Variants in CPLX1 observed in about 807,000 individuals in gnomAD.
CPLX1 encodes the protein complexin 1.
Under a neutral mutation model 15.6 loss-of-function variants are expected in CPLX1, and 6 were observed. The ratio of observed to expected loss-of-function variants is 0.39; its 90% CI spans 0.21 to 0.76. The LOEUF (loss-of-function observed/expected upper bound fraction) is 0.76. CPLX1 is among the 30% of genes least tolerant of loss of function. The pLI, the probability that CPLX1 is intolerant of heterozygous loss-of-function variation, is 0.43. For missense variants in CPLX1, 242 were observed against 188.6 expected (o/e 1.28, Z -1.66); for synonymous variants, 91 against 75.2 (o/e 1.21, Z -1.08).
chr4:820,927 C>T (rs149339547), intron 2 of CPLX1, among the ~76,000 whole-genome samples: 6 of 152,188 alleles, frequency 3.9e-5, no homozygotes, highest in African/African-American at 7.2e-5. Context: ...CTCTCCCACA[C>T]GGTGGAACCC....
chr4:810,694 C>A (rs963944739), intron 2 of CPLX1, among the ~76,000 whole-genome samples: 2 of 151,232 alleles, frequency 1.3e-5, no homozygotes, highest in Admixed American at 6.6e-5. Context: ...TTTCTTTTTT[C>A]TTTTTCTTTT....
intron 2 of CPLX1, among the ~76,000 whole-genome samples, chr4:819,957 G>T (rs1404629756): frequency 6.6e-6 from 1 of 152,172 alleles, no homozygotes; most frequent in Non-Finnish European, 1.5e-5. Flanking sequence ...GAGCAGCTGG[G>T]CCACCTCCTG....
chr4:795,481 G>A (rs954634259), intron 2 of CPLX1, among the ~76,000 whole-genome samples: 1 of 152,250 alleles, frequency 6.6e-6, no homozygotes, highest in Non-Finnish European at 1.5e-5. Context: ...GTCCCACGTG[G>A]TGCCTGAGGC....
At chr4:818,784 G>A (rs912132063) in intron 2 of CPLX1, among the ~76,000 whole-genome samples, 3 of 152,254 alleles carry the variant, frequency 2.0e-5, no homozygotes, top group Non-Finnish European at 2.9e-5. Context: ...TCCTGAAAGC[G>A]AGGACCAGGT....
Position 792,497 on chromosome 4 carries a change from C to T in CPLX1, c.143G>A (p.Arg48His), listed in dbSNP as rs1746212437. Residue 48 changes from arginine (R) to histidine (H), a missense_variant, in exon 3 of 4, where the codon CGC (arginine) becomes CAC (histidine). Arg to His is a conservative substitution (Grantham distance 29). Coordinates refer to ENST00000304062, the MANE Select transcript of CPLX1 (RefSeq NM_006651.4). ...CTCCATCTTGGCGTACTTGGCCTTG[C>T]GCTCCTCCTCCGCCTGGCGCAGCGC... The part of the protein sequence containing the change: ...QEALRQAEEE[R>H]KAKYAKMEAE... 3 of 1,612,912 alleles carry T rather than the reference C, an allele frequency of 1.9e-6. No homozygotes were observed. The highest frequency in any genetic ancestry group is 1.1e-5 in the South Asian group (1 of 91,038).
intron 2 of CPLX1, among the ~76,000 whole-genome samples, chr4:800,989 C>G (rs1332243368): frequency 7.1e-6 from 1 of 141,234 alleles, no homozygotes; most frequent in Non-Finnish European, 1.5e-5. Context: ...TGCACTCTAG[C>G]CTGGGCGACA....
chr4:786,994 C>A, intron 3 of CPLX1: 1 of 985,420 alleles, frequency 1.0e-6, no homozygotes, highest in Non-Finnish European at 1.2e-6. Context: ...TGGCTCCAAA[C>A]CCAGCCCAGC....
In CPLX1 at chr4:786,670, TCGCGCTC is replaced by T. The variant is rs758093868; in HGVS notation, c.229_235del (p.Glu77ArgfsTer16). The T allele has an allele frequency of 2.5e-6, 4 of 1,610,058 alleles. No homozygotes were observed. Among genetic ancestry groups the T allele is most frequent in the Non-Finnish European group, 1.7e-6 (2 of 1,178,272 alleles). On this transcript the variant is annotated frameshift_variant, in exon 4 of 4. Transcript: ENST00000304062. LOFTEE classifies it high-confidence loss of function. ...CTCCATGGCGGCCTGGGCCTCGGCCTCGCGCTCCTCCTTCTTCTTGATGCCGTACTGC... is the reference window on the plus strand; with the variant it reads ...CTCCATGGCGGCCTGGGCCTCGGCCTCTCCTTCTTCTTGATGCCGTACTGC...
intron 2 of CPLX1, among the ~76,000 whole-genome samples, chr4:812,000 A>T (rs937958625): frequency 6.6e-6 from 1 of 152,134 alleles, no homozygotes; most frequent in East Asian, 1.9e-4. Flanking sequence ...CCTTGGTCTT[A>T]TATTAATATA....
chr4:806,771 G>A (rs919309825), intron 2 of CPLX1, among the ~76,000 whole-genome samples: 1 of 152,168 alleles, frequency 6.6e-6, no homozygotes. Context: ...AAACTACAAT[G>A]AGATACCATC....
At chr4:790,354 C>G (rs13151247) in intron 3 of CPLX1, among the ~76,000 whole-genome samples, 61,793 of 152,084 alleles carry the variant, frequency 0.41, 13,477 homozygotes, top group African/African-American at 0.57. Context: ...CAGCAAGGTC[C>G]GGCCAGCTCC....
At chr4:797,779 A>G (rs1387949435) in intron 2 of CPLX1, among the ~76,000 whole-genome samples, 1 of 151,978 alleles carries the variant, frequency 6.6e-6, no homozygotes, top group African/African-American at 2.4e-5. Context: ...TAAAAATACA[A>G]AAAAGTAGCC....
intron 3 of CPLX1, among the ~76,000 whole-genome samples, chr4:790,217 C>T (rs1746129305): frequency 6.6e-6 from 1 of 152,174 alleles, no homozygotes; most frequent in Non-Finnish European, 1.5e-5. Context: ...CTGGTGCTTC[C>T]AAGGCCTGAG....
chr4:785,166 G>A lies in CPLX1; in HGVS notation c.*1335C>T, dbSNP rs993196803. ...TGTCTGCTCAGAGCTGGCTTTGTAAGGTGTGAAAACAGGAGTTTTTAAAAG... is the reference window on the plus strand; with the variant it reads ...TGTCTGCTCAGAGCTGGCTTTGTAAAGTGTGAAAACAGGAGTTTTTAAAAG... On this transcript the variant is annotated 3_prime_UTR_variant, in exon 4 of 4. Coordinates refer to ENST00000304062, the MANE Select transcript of CPLX1 (RefSeq NM_006651.4). The A allele has an allele frequency of 6.6e-6, 1 of 152,356 alleles. No individual in the cohort carries two copies. The highest frequency in any genetic ancestry group is 1.5e-5 in the Non-Finnish European group (1 of 68,062). 9.4% of individuals were successfully genotyped at this position (152,356 alleles called of 1,614,324 possible).
intron 3 of CPLX1, chr4:787,821 T>C (rs1201729720): frequency 1.0e-6 from 1 of 985,370 alleles, no homozygotes; most frequent in East Asian, 1.1e-4. Context: ...CCTGTGGTCA[T>C]GGTCAGGCCA....
At chr4:805,019 C>T in intron 2 of CPLX1, 2 of 802,018 alleles carry the variant, frequency 2.5e-6, no homozygotes, top group Non-Finnish European at 3.0e-6. Context: ...CCCACGCACG[C>T]TCGCGCACCG....
intron 3 of CPLX1, 40 bp from the exon 4 acceptor site, chr4:786,738 C>T (rs1280783409): frequency 1.3e-6 from 2 of 1,544,440 alleles, no homozygotes; most frequent in Non-Finnish European, 8.7e-7. Flanking sequence ...GTCCCGGCGG[C>T]TCCCGGGCGG....
chr4:814,060 G>C (rs1442970174), intron 2 of CPLX1, among the ~76,000 whole-genome samples: 1 of 152,222 alleles, frequency 6.6e-6, no homozygotes. Flanking sequence ...CCGGCGGCCA[G>C]ACATGTGAAC....
chr4:786,702 C>CG lies in CPLX1; in HGVS notation c.208-5dup, dbSNP rs746825584. The CG allele has an allele frequency of 6.5e-7, 1 of 1,546,772 alleles. No homozygotes were observed. Among genetic ancestry groups the CG allele is most frequent in the South Asian group, 1.1e-5 (1 of 87,094 alleles). On this transcript the variant is annotated splice_polypyrimidine_tract_variant and splice_region_variant and intron_variant, in intron 3 of 3. Transcript: ENST00000304062. ...CCTCCTTCTTCTTGATGCCGTACTGCGGGGGAGGCGGGGGTCAGGGCGGGG... is the reference window on the plus strand; with the variant it reads ...CCTCCTTCTTCTTGATGCCGTACTGCGGGGGGAGGCGGGGGTCAGGGCGGGG...
Sources: allele counts gnomAD v4.1 joint callset (sites outside exome capture counted in the v4.1 genomes callset), GRCh38; gene constraint gnomAD v4.1.1; transcripts MANE v1.5; gene names NCBI Gene and HGNC (gene_info 2026-07-23, HGNC 2026-07-21).